KLF12: variants seen among roughly 807,000 people sequenced by gnomAD.
KLF12 encodes KLF transcription factor 12, also known as Krueppel-like factor 12.
A neutral mutation model predicts 37.8 loss-of-function variants in KLF12; 9 were observed. That is an observed-to-expected ratio of 0.24 (90% CI 0.14 to 0.42). KLF12 has a LOEUF of 0.42. KLF12 is among the 10% of genes least tolerant of loss of function. The pLI is 1.00. For synonymous variants in KLF12, 208 were observed against 202.1 expected, an observed-to-expected ratio of 1.03 and a Z score of -0.25; for missense variants, 411 against 516.0, an observed-to-expected ratio of 0.80 and a Z score of 1.97.
intron 1 of KLF12, among the ~76,000 whole-genome samples, chr13:74,019,942 T>C (rs1892797927): frequency 6.6e-6 from 1 of 152,164 alleles, no homozygotes; most frequent in South Asian, 2.1e-4. Flanking sequence ...AGGGATCAAA[T>C]ATAAAATGAC....
intron 1 of KLF12, among the ~76,000 whole-genome samples, chr13:74,033,724 T>TTATAATAA (rs1044376607): frequency 3.3e-5 from 5 of 152,342 alleles, no homozygotes; most frequent in African/African-American, 1.2e-4. Flanking sequence ...CAACTTTTAA[T>TTATAATAA]TATAATAATC....
At chr13:73,715,284 G>T in intron 7 of KLF12, 84 bp downstream of exon 7, 1 of 1,165,188 alleles carries the variant, frequency 8.6e-7, no homozygotes, top group South Asian at 1.5e-5. Context: ...CAGGATGAAT[G>T]AGTACGAAAG....
chr13:73,845,760 T>G, intron 4 of KLF12, 67 bp downstream of exon 4: 1 of 1,429,656 alleles, frequency 7.0e-7, no homozygotes, highest in South Asian at 1.3e-5. Context: ...AATTTAGGTT[T>G]TGTTCACTGC....
At chr13:73,918,248 C>T (rs1222396642) in intron 3 of KLF12, among the ~76,000 whole-genome samples, 1 of 152,138 alleles carries the variant, frequency 6.6e-6, no homozygotes, top group East Asian at 1.9e-4. Flanking sequence ...TTAAAACATA[C>T]TTTTTCTTTT....
At chr13:73,850,747 G>GCTAT (rs1885294686) in intron 3 of KLF12, among the ~76,000 whole-genome samples, 1 of 152,170 alleles carries the variant, frequency 6.6e-6, no homozygotes, top group Admixed American at 6.5e-5. Flanking sequence ...GATGGTCCCA[G>GCTAT]CTATCTATCT....
At chr13:73,890,185 G>A (rs1046388206) in intron 3 of KLF12, among the ~76,000 whole-genome samples, 1 of 151,994 alleles carries the variant, frequency 6.6e-6, no homozygotes, top group Non-Finnish European at 1.5e-5. Flanking sequence ...ACCCAACACT[G>A]TATTCCTTAT....
chr13:74,247,563 T>C, the KLF12 span, among the ~76,000 whole-genome samples: 1 of 152,234 alleles, frequency 6.6e-6, no homozygotes, highest in Non-Finnish European at 1.5e-5. Flanking sequence ...GTAATTCAAC[T>C]CTGATAATTT....
the KLF12 span, among the ~76,000 whole-genome samples, chr13:74,250,280 C>T: frequency 8.5e-5 from 13 of 152,212 alleles, no homozygotes; most frequent in Non-Finnish European, 1.5e-4. Flanking sequence ...GGAGTAGATC[C>T]ATTTCCTTCA....
chr13:73,765,010 G>C lies in KLF12; in HGVS notation c.807-10C>G, dbSNP rs368153444. The C allele has an allele frequency of 4.5e-5, 67 of 1,503,328 alleles. No individual in the cohort carries two copies. Among genetic ancestry groups the C allele is most frequent in the Non-Finnish European group, 5.6e-5 (61 of 1,095,330 alleles). 93.1% of individuals were successfully genotyped at this position (1,503,328 alleles called of 1,614,324 possible). ...TGGGGACGGATGTACCCTGTAGACA[G>C]AGAAGAATAATCCAGTCATTGAAAA... On this transcript the variant is annotated splice_polypyrimidine_tract_variant and intron_variant, in intron 5 of 7. Transcript: ENST00000377669.
At chr13:73,852,077 T>C (rs1452314710) in intron 3 of KLF12, among the ~76,000 whole-genome samples, 2 of 152,322 alleles carry the variant, frequency 1.3e-5, no homozygotes, top group East Asian at 1.9e-4. Context: ...CACACATCCA[T>C]TTGTGAATGG....
intron 1 of KLF12, among the ~76,000 whole-genome samples, chr13:74,117,178 C>G (rs560500825): frequency 1.3e-5 from 2 of 152,216 alleles, no homozygotes; most frequent in African/African-American, 2.4e-5. Flanking sequence ...CACTCAGCAC[C>G]CAGTCCATGG....
chr13:73,916,297 C>T (rs889936174), intron 3 of KLF12, among the ~76,000 whole-genome samples: 17 of 151,888 alleles, frequency 1.1e-4, no homozygotes, highest in East Asian at 7.7e-4. Flanking sequence ...TTTACATAAT[C>T]GCTGACACTT....
chr13:74,236,175 A>G, the KLF12 span, among the ~76,000 whole-genome samples: 1 of 144,376 alleles, frequency 6.9e-6, no homozygotes, highest in Non-Finnish European at 1.5e-5. Flanking sequence ...ATTCCCACCT[A>G]TGAGTGAGAA....
At chr13:74,076,213 T>C (rs998422090) in intron 1 of KLF12, among the ~76,000 whole-genome samples, 6 of 152,242 alleles carry the variant, frequency 3.9e-5, no homozygotes, top group African/African-American at 1.4e-4. Flanking sequence ...AGATTTACTT[T>C]CTTCACTATA....
the KLF12 span, among the ~76,000 whole-genome samples, chr13:74,220,225 A>T: frequency 6.6e-6 from 1 of 152,220 alleles, no homozygotes; most frequent in Non-Finnish European, 1.5e-5. Context: ...TTTTGATTAT[A>T]GTATAGAATA....
intron 1 of KLF12, among the ~76,000 whole-genome samples, chr13:74,032,604 T>A (rs1412475596): frequency 6.6e-6 from 1 of 152,154 alleles, no homozygotes; most frequent in Non-Finnish European, 1.5e-5. Flanking sequence ...GACACATGAG[T>A]ATTATTCAAC....
chr13:74,269,248 G>C, the KLF12 span, among the ~76,000 whole-genome samples: 7 of 152,118 alleles, frequency 4.6e-5, no homozygotes, highest in African/African-American at 1.7e-4. Flanking sequence ...CCATAAACAA[G>C]AAGTGTAGTC....
chr13:73,709,746 C>CTA (rs1195912518), intron 7 of KLF12, among the ~76,000 whole-genome samples: 1 of 152,132 alleles, frequency 6.6e-6, no homozygotes, highest in Non-Finnish European at 1.5e-5. Context: ...TTCACAAGGA[C>CTA]ATTTAGATTT....
intron 1 of KLF12, among the ~76,000 whole-genome samples, chr13:74,050,281 T>C (rs781187737): frequency 5.9e-5 from 9 of 152,208 alleles, no homozygotes; most frequent in Non-Finnish European, 1.3e-4. Context: ...TCTTCAGTTA[T>C]AGACCATACT....
Sources: gnomAD v4.1 joint callset for allele counts (sites outside exome capture counted in the v4.1 genomes callset) on GRCh38, gnomAD v4.1.1 for gene constraint, MANE v1.5 for transcripts, NCBI Gene and HGNC (gene_info 2026-07-23, HGNC 2026-07-21) for gene names.